Variants in COL18A1 observed in about 807,000 individuals in gnomAD.
COL18A1 encodes the protein collagen alpha-1(XVIII) chain.
In COL18A1, 133 loss-of-function variants were observed where a neutral mutation model predicts 168.0. The observed-to-expected ratio is 0.79, with a 90% CI of 0.69 to 0.91. The LOEUF (loss-of-function observed/expected upper bound fraction) is 0.91. Ranked by LOEUF, COL18A1 falls within the 40% of genes least tolerant of loss-of-function variation. The pLI is 0.00. For synonymous variants in COL18A1, 949 were observed against 809.0 expected, an observed-to-expected ratio of 1.17 and a Z score of -2.94; for missense variants, 2,126 against 1,925.4, an observed-to-expected ratio of 1.10 and a Z score of -1.95.
intron 20 of COL18A1, 56 bp downstream of exon 20, chr21:45,490,402 T>G (rs2036275231): frequency 7.6e-7 from 1 of 1,307,666 alleles, no homozygotes; most frequent in Admixed American, 2.2e-5. Flanking sequence ...CTGAAGGGAC[T>G]ATGCTAAGAT....
At chr21:45,478,773 C>T (rs1029905804) in intron 9 of COL18A1, among the ~76,000 whole-genome samples, 1 of 152,206 alleles carries the variant, frequency 6.6e-6, no homozygotes, top group East Asian at 1.9e-4. Flanking sequence ...CAGCAAACAC[C>T]GTTTCCAAGC....
At chr21:45,468,890 C>G (rs2035312886) in intron 3 of COL18A1, 104 bp downstream of exon 3, 1 of 1,219,016 alleles carries the variant, frequency 8.2e-7, no homozygotes, top group African/African-American at 1.5e-5. Flanking sequence ...AAGAGGAGAG[C>G]CCCCACCCCA....
At chr21:45,474,039 C>A in intron 4 of COL18A1, 58 bp downstream of exon 4, 2 of 1,379,226 alleles carry the variant, frequency 1.5e-6, no homozygotes, top group Non-Finnish European at 2.0e-6. Flanking sequence ...ACGCGGAGTT[C>A]AGGGCCAAGG....
At chr21:45,478,447 C>G in intron 9 of COL18A1, 94 bp downstream of exon 9, 2 of 1,536,062 alleles carry the variant, frequency 1.3e-6, no homozygotes, top group Non-Finnish European at 1.8e-6. Context: ...TTAAACGCGA[C>G]CCAGTGAGGA....
In COL18A1 at chr21:45,512,216, G is replaced by A; in HGVS notation, c.3838G>A (p.Asp1280Asn). Residue 1280 changes from aspartate to asparagine, a missense_variant, in exon 42 of 42, where the codon GAC becomes AAC. Physicochemically the swap from Asp to Asn is conservative, Grantham distance 23. Coordinates refer to ENST00000651438, the MANE Select transcript of COL18A1 (RefSeq NM_001379500.1). ...WPQKSVWHGS[D>N]PNGRRLTESY... ...CCAGAAGAGCGTGTGGCATGGCTCG[G>A]ACCCCAACGGGCGCAGGCTGACCGA... 1 of 1,612,494 alleles carries A rather than the reference G, an allele frequency of 6.2e-7. No individual in the cohort carries two copies. Among genetic ancestry groups the A allele is most frequent in the East Asian group, 2.2e-5 (1 of 44,854 alleles).
At chr21:45,493,106 G>T in intron 24 of COL18A1, 57 bp from the exon 25 acceptor site, 2 of 1,501,578 alleles carry the variant, frequency 1.3e-6, no homozygotes, top group South Asian at 1.2e-5. Context: ...TGGAGCAGCC[G>T]TCGGGGATGG....
intron 2 of COL18A1, among the ~76,000 whole-genome samples, chr21:45,447,204 T>TATATATCATATATCATATATATC (rs1555975192): frequency 1.3e-5 from 2 of 150,804 alleles, no homozygotes; most frequent in African/African-American, 4.9e-5. Context: ...CTTATATATA[T>TATATATCATATATCATATATATC]ATATATCATA....
chr21:45,511,294 T>TATCTGCAGTTTCCC, intron 41 of COL18A1, 68 bp downstream of exon 41: 1 of 808,332 alleles, frequency 1.2e-6, no homozygotes, highest in Non-Finnish European at 2.1e-6. Context: ...GGCGGGCTCC[T>TATCTGCAGTTTCCC]ATCTGCAGTT....
intron 12 of COL18A1, 67 bp downstream of exon 12, chr21:45,480,587 C>A (rs2035857299): frequency 2.5e-6 from 4 of 1,613,548 alleles, no homozygotes; most frequent in Non-Finnish European, 2.5e-6. Flanking sequence ...CATGGACCCC[C>A]AAGATTCAGC....
At chr21:45,482,904 C>A in intron 15 of COL18A1, 83 bp downstream of exon 15, 1 of 1,603,838 alleles carries the variant, frequency 6.2e-7, no homozygotes, top group East Asian at 2.2e-5. Flanking sequence ...GTGGCAGCCC[C>A]ACGGTCGAGA....
At chr21:45,480,361 T>C (rs2035849625) in intron 11 of COL18A1, 106 bp from the exon 12 acceptor site, 5 of 1,601,244 alleles carry the variant, frequency 3.1e-6, no homozygotes, top group Non-Finnish European at 4.3e-6. Context: ...GTTTCTCAGC[T>C]CCTTGTAGAA....
At chr21:45,506,278 C>T (rs895929508) in intron 37 of COL18A1, 9 of 399,248 alleles carry the variant, frequency 2.3e-5, no homozygotes, top group African/African-American at 1.6e-4. Flanking sequence ...TAAGACAAGG[C>T]GCCTGACGGG....
chr21:45,497,154 C>A, intron 31 of COL18A1, 62 bp downstream of exon 31: 1 of 1,078,138 alleles, frequency 9.3e-7, no homozygotes. Flanking sequence ...AGAGCCCCAC[C>A]TTCCTTCCCG....
intron 39 of COL18A1, 92 bp from the exon 40 acceptor site, chr21:45,509,972 C>A: frequency 7.0e-7 from 1 of 1,425,042 alleles, no homozygotes; most frequent in South Asian, 1.3e-5. Context: ...CCGTGCCTGT[C>A]CACACAGGTG....
rs1433857181 is a variant in COL18A1, at chr21:45,480,696, C to T, written c.1453-4C>T. On this transcript the variant is annotated splice_polypyrimidine_tract_variant and splice_region_variant and intron_variant, in intron 12 of 41. Coordinates refer to ENST00000651438, the MANE Select transcript of COL18A1 (RefSeq NM_001379500.1). ...TGTGACTATCTGTGTTCGCCCACGTCCAGGGTCCTCGAGGCTTCCCTGGAC... is the reference window on the plus strand; with the variant it reads ...TGTGACTATCTGTGTTCGCCCACGTTCAGGGTCCTCGAGGCTTCCCTGGAC... 6.2e-7 allele frequency: 1 copy of T among 1,610,918 alleles called. No individual in the cohort carries two copies. The highest frequency in any genetic ancestry group is 2.2e-5 in the East Asian group (1 of 44,860).
At chr21:45,465,774 G>A (rs1416962746) in intron 2 of COL18A1, among the ~76,000 whole-genome samples, 1 of 143,776 alleles carries the variant, frequency 7.0e-6, no homozygotes, top group Non-Finnish European at 1.5e-5. Flanking sequence ...GCTGGTTCTG[G>A]GGAGTGTCTG....
At chr21:45,468,848 G>A (rs1277874063) in intron 3 of COL18A1, 62 bp downstream of exon 3, 3 of 1,432,872 alleles carry the variant, frequency 2.1e-6, no homozygotes, top group Admixed American at 4.1e-5. Context: ...GGGTGGGGGT[G>A]GCCACTGGGA....
intron 4 of COL18A1, among the ~76,000 whole-genome samples, chr21:45,474,953 T>C (rs2035591236): frequency 1.3e-5 from 2 of 152,208 alleles, no homozygotes; most frequent in Admixed American, 1.3e-4. Flanking sequence ...CTGGGACAGC[T>C]TGCTGGGTGC....
At position 45,414,826 on chromosome 21, in the gene COL18A1, C is replaced by T. The variant is rs150207144; in HGVS notation, c.106+9353C>T. Among the ~76,000 whole-genome samples the T allele has an allele frequency of 7.5e-4, 114 of 152,302 alleles. 2 individuals are homozygous for T. The highest frequency in any genetic ancestry group is 2.5e-3 in the African/African-American group (103 of 41,564). ...GCTGACCACCCCGGCCTGTGGGACCCGTGAGTATGGCCTGTGTGTGGGATG... is the reference window on the plus strand; with the variant it reads ...GCTGACCACCCCGGCCTGTGGGACCTGTGAGTATGGCCTGTGTGTGGGATG... On this transcript the variant is annotated intron_variant, in intron 2 of 41. Transcript: ENST00000651438.
Sources: gnomAD v4.1 joint callset for allele counts (sites outside exome capture counted in the v4.1 genomes callset) on GRCh38, gnomAD v4.1.1 for gene constraint, MANE v1.5 for transcripts, NCBI Gene and HGNC (gene_info 2026-07-23, HGNC 2026-07-21) for gene names.